Variants in LNPEP observed in about 807,000 individuals in gnomAD.
LNPEP encodes leucyl-cystinyl aminopeptidase.
A neutral mutation model predicts 120.6 loss-of-function variants in LNPEP; 64 were observed. That is an observed-to-expected ratio of 0.53 (90% CI 0.43 to 0.65). The LOEUF is 0.65. LNPEP is among the 30% of genes least tolerant of loss of function. The pLI, the probability that LNPEP is intolerant of heterozygous loss-of-function variation, is 0.00. For synonymous variants in LNPEP, 435 were observed against 425.4 expected (o/e 1.02, Z -0.28); for missense variants, 1,057 against 1,200.0 (o/e 0.88, Z 1.76).
At position 96,996,601 on chromosome 5, in the gene LNPEP, T is replaced by G. The variant is rs186283385; in HGVS notation, c.1521+98T>G. On this transcript the variant is annotated intron_variant, in intron 7 of 17. Transcript: ENST00000231368. The stretch of plus-strand genomic sequence containing the variant: ...TTCTGTGCATCTGGAGTAATGAAAA[T>G]GTTTCTAGGAAGGTATGCCAAACTT... The G allele has an allele frequency of 7.2e-6, 5 of 690,432 alleles. No individual in the cohort carries two copies. In the Admixed American group the frequency reaches 1.0e-4, roughly 14 times the overall value. The allele number at this position is 690,432 out of a possible 1,614,324, so 42.8% of individuals were successfully genotyped here.
At position 97,003,457 on chromosome 5, in the gene LNPEP, G is replaced by C. The variant is rs1790702930; in HGVS notation, c.1696G>C (p.Asp566His). 1 of 1,595,052 alleles carries C rather than the reference G, an allele frequency of 6.3e-7. No individual in the cohort carries two copies. ...LLMLKTYLSE[D>H]VFQHAVVLYL... Reference sequence around the variant, plus strand: ...GATGTTGAAAACTTACCTTAGTGAAGATGTGTTTCAACATGCTGTTGTCCT... The same window carrying C: ...GATGTTGAAAACTTACCTTAGTGAACATGTGTTTCAACATGCTGTTGTCCT... Residue 566 changes from aspartate to histidine, a missense_variant, in exon 9 of 18, where the codon GAT becomes CAT. Physicochemically the swap from Asp to His is moderately conservative, Grantham distance 81. Transcript: ENST00000231368.
At chr5:96,993,182 G>A (rs774888733) in intron 5 of LNPEP, 47 bp downstream of exon 5, 33 of 1,369,838 alleles carry the variant, frequency 2.4e-5, no homozygotes, top group East Asian at 2.5e-5. Context: ...TTAGAACCTA[G>A]ATTTATTTTG....
chr5:96,940,489 A>G (rs1035638143), intron 1 of LNPEP, among the ~76,000 whole-genome samples: 7 of 152,054 alleles, frequency 4.6e-5, no homozygotes, highest in Non-Finnish European at 8.8e-5. Context: ...GCTTACCTAA[A>G]TAAGAGAAAT....
chr5:97,008,337 G>T lies in LNPEP; in HGVS notation c.2035+1822G>T, dbSNP rs377107619. Among the ~76,000 whole-genome samples the T allele has an allele frequency of 2.5e-3, 151 of 59,772 alleles. 1 individual carries two copies. Among genetic ancestry groups the T allele is most frequent in the African/African-American group, 7.3e-3 (97 of 13,342 alleles). 39.2% of individuals were successfully genotyped at this position (59,772 alleles called of 152,430 possible). On this transcript the variant is annotated intron_variant, in intron 11 of 17. Coordinates refer to ENST00000231368, the MANE Select transcript of LNPEP (RefSeq NM_005575.3). ...TTGATTTTTTTGTTTGTTTTTTCTT[G>T]TTTTTTTTTTTTTTTTTTTTTTTTT...
chr5:97,020,121 C>A (rs1011913757), intron 13 of LNPEP, among the ~76,000 whole-genome samples: 4 of 152,132 alleles, frequency 2.6e-5, no homozygotes, highest in Admixed American at 2.6e-4. Flanking sequence ...CTTGCAGATT[C>A]TTTTTTTCTA....
chr5:96,997,925 C>T (rs1790553837), intron 7 of LNPEP, 89 bp from the exon 8 acceptor site: 1 of 892,326 alleles, frequency 1.1e-6, no homozygotes, highest in Non-Finnish European at 1.6e-6. Context: ...TGATATTTCA[C>T]ACTAATTAGT....
chr5:96,946,767 A>G (rs1278879023), intron 1 of LNPEP, among the ~76,000 whole-genome samples: 1 of 152,206 alleles, frequency 6.6e-6, no homozygotes, highest in African/African-American at 2.4e-5. Context: ...TTATCAATCC[A>G]ATGAGTCACA....
chr5:96,976,561 A>C (rs1050136584), intron 1 of LNPEP, among the ~76,000 whole-genome samples: 12 of 152,142 alleles, frequency 7.9e-5, no homozygotes, highest in Non-Finnish European at 1.5e-4. Context: ...GGAATGCTCT[A>C]AATATTAAGC....
At chr5:97,002,135 A>G (rs956726181) in intron 8 of LNPEP, among the ~76,000 whole-genome samples, 2 of 152,080 alleles carry the variant, frequency 1.3e-5, no homozygotes, top group African/African-American at 4.8e-5. Context: ...GTGAGACTTC[A>G]TCTCAAAATA....
chr5:96,937,821 G>A (rs1202499639), intron 1 of LNPEP: 1 of 152,104 alleles, frequency 6.6e-6, no homozygotes, highest in Admixed American at 6.5e-5. Flanking sequence ...TCTAGATGTG[G>A]GTATTTGCAA....
rs757155329 is a variant in LNPEP at position 96,993,910 on chromosome 5, C to T, written c.1346C>T (p.Thr449Ile). 4.0e-5 allele frequency: 64 copies of T among 1,613,794 alleles called. No homozygotes were observed. Among genetic ancestry groups the T allele is most frequent in the Middle Eastern group, 3.3e-4 (2 of 6,078 alleles). ...GAGACACTTCTGTATGACAGTAACA[C>T]TTCTTCAATGGCGGATAGAAAGCTG... ...REETLLYDSN[T>I]SSMADRKLVT... The change falls in exon 6 of 18, where the codon ACT becomes ATT. Residue 449 changes from threonine to isoleucine, a missense_variant. Transcript: ENST00000231368.
At chr5:96,947,211 C>T (rs764661367) in intron 1 of LNPEP, among the ~76,000 whole-genome samples, 1 of 151,954 alleles carries the variant, frequency 6.6e-6, no homozygotes, top group Non-Finnish European at 1.5e-5. Context: ...GGGCCCTAAG[C>T]ATTGTTAAAG....
chr5:96,971,277 C>T (rs1789855557), intron 1 of LNPEP, among the ~76,000 whole-genome samples: 1 of 151,336 alleles, frequency 6.6e-6, no homozygotes, highest in Non-Finnish European at 1.5e-5. Context: ...TCCAGGTTCT[C>T]TTAAAGGTTT....
chr5:96,949,453 A>C (rs1190450060), intron 1 of LNPEP, among the ~76,000 whole-genome samples: 1 of 152,170 alleles, frequency 6.6e-6, no homozygotes, highest in Non-Finnish European at 1.5e-5. Context: ...GTTTCATCCC[A>C]AAACCATCAT....
At chr5:96,969,128 C>T (rs1418265697) in intron 1 of LNPEP, among the ~76,000 whole-genome samples, 1 of 151,860 alleles carries the variant, frequency 6.6e-6, no homozygotes, top group Non-Finnish European at 1.5e-5. Flanking sequence ...GCTTTTTTTC[C>T]TATCCAGAAA....
At chr5:96,991,016 G>A (rs529285808) in intron 4 of LNPEP, among the ~76,000 whole-genome samples, 58 of 152,248 alleles carry the variant, frequency 3.8e-4, no homozygotes, top group African/African-American at 1.3e-3. Context: ...CACCCAAGCA[G>A]TGTAGACTGC....
rs565276379 is a variant in LNPEP, at chr5:96,938,773, A to G, written c.19+2599A>G. Among the ~76,000 whole-genome samples, 5 of 152,272 alleles carry G rather than the reference A, an allele frequency of 3.3e-5. No individual in the cohort carries two copies. The South Asian group carries it at 1.0e-3, about 32-fold the overall frequency. On this transcript the variant is annotated intron_variant, in intron 1 of 17. Transcript: ENST00000231368. ...ATGGATCTTAGTGCTAGGAATTCCC[A>G]TTTAGCTCAGGATCTATTTTTGGCT...
intron 1 of LNPEP, among the ~76,000 whole-genome samples, chr5:96,954,588 A>G (rs976385668): frequency 2.1e-5 from 3 of 145,498 alleles, no homozygotes; most frequent in African/African-American, 7.6e-5. Flanking sequence ...CATTCTTCTC[A>G]TTCTTGCAAG....
At chr5:96,993,715 G>T (rs898229214) in intron 5 of LNPEP, 102 bp from the exon 6 acceptor site, 3 of 1,073,336 alleles carry the variant, frequency 2.8e-6, no homozygotes, top group Non-Finnish European at 2.8e-6. Flanking sequence ...AGTATAAAAA[G>T]AATTCATTGC....
Sources: gnomAD v4.1 joint callset for allele counts (sites outside exome capture counted in the v4.1 genomes callset) on GRCh38, gnomAD v4.1.1 for gene constraint, MANE v1.5 for transcripts, NCBI Gene and HGNC (gene_info 2026-07-23, HGNC 2026-07-21) for gene names.